The following RBFOX1 variants were observed in gnomAD, a reference collection of about 807,000 sequenced individuals.
RBFOX1 encodes the protein RNA binding protein fox-1 homolog 1.
RBFOX1 carries 8 observed loss-of-function variants against 57.7 expected under a neutral mutation model. That is an observed-to-expected ratio of 0.14 (90% CI 0.08 to 0.25). RBFOX1 has a LOEUF of 0.25. Ranked by LOEUF, RBFOX1 falls within the 10% of genes least tolerant of loss-of-function variation. The pLI, the probability that RBFOX1 is intolerant of heterozygous loss-of-function variation, is 1.00. For missense variants in RBFOX1, 611 were observed against 548.5 expected (o/e 1.11, Z -1.14); for synonymous variants, 326 against 222.4 (o/e 1.47, Z -4.15).
At chr16:7,180,006 G>A (rs1330514173) in intron 4 of RBFOX1, among the ~76,000 whole-genome samples, 1 of 151,916 alleles carries the variant, frequency 6.6e-6, no homozygotes, top group East Asian at 1.9e-4. Flanking sequence ...GACCCCCAAA[G>A]TGCTGGAAAT....
At chr16:5,408,353 C>T (rs1036991617) in intron 1 of RBFOX1, among the ~76,000 whole-genome samples, 4 of 152,170 alleles carry the variant, frequency 2.6e-5, no homozygotes, top group Non-Finnish European at 2.9e-5. Flanking sequence ...CAATACATTC[C>T]TTTTTTTATT....
intron 3 of RBFOX1, among the ~76,000 whole-genome samples, chr16:5,743,806 G>C (rs966911411): frequency 6.6e-6 from 1 of 152,060 alleles, no homozygotes; most frequent in African/African-American, 2.4e-5. Context: ...CCCTCCCAAA[G>C]TGCTGGGATT....
In RBFOX1 at chr16:5,419,350, C is replaced by T. The variant is rs536603906; in HGVS notation, c.220-47866C>T. ...GAGTCTGATGTTCAAGGGCAGGAAG[C>T]ATCCAGCACGAGAGAAAGATGTGGG... On this transcript the variant is annotated intron_variant, in intron 1 of 2. Coordinates refer to the RBFOX1 transcript ENST00000585867. 1.2e-3 allele frequency among the ~76,000 whole-genome samples: 179 copies of T among 152,226 alleles called. 1 individual carries two copies. The highest frequency in any genetic ancestry group is 4.2e-3 in the African/African-American group (176 of 41,550).
At chr16:7,386,811 C>G (rs937318260) in intron 4 of RBFOX1, among the ~76,000 whole-genome samples, 1 of 152,118 alleles carries the variant, frequency 6.6e-6, no homozygotes, top group Non-Finnish European at 1.5e-5. Flanking sequence ...ACACTGTCTT[C>G]CACAATGGTT....
At chr16:5,970,666 G>T (rs2059944407) in intron 4 of RBFOX1, among the ~76,000 whole-genome samples, 1 of 152,170 alleles carries the variant, frequency 6.6e-6, no homozygotes, top group Non-Finnish European at 1.5e-5. Context: ...GAGGAAGCAG[G>T]ACTTAGACCT....
intron 2 of RBFOX1, chr16:6,483,083 C>G (rs959721984): frequency 1.0e-5 from 10 of 979,934 alleles, no homozygotes; most frequent in African/African-American, 3.5e-5. Context: ...CAAGTGCCTC[C>G]GACCCGTAGG....
intron 4 of RBFOX1, among the ~76,000 whole-genome samples, chr16:7,091,902 C>G (rs561259643): frequency 6.6e-6 from 1 of 152,186 alleles, no homozygotes; most frequent in Non-Finnish European, 1.5e-5. Flanking sequence ...TGTCTTGGAT[C>G]ATCATGCCAG....
Position 5,806,862 on chromosome 16 carries a change from C to G in RBFOX1, c.319-60441C>G, listed in dbSNP as rs998448490. ...TCAGGGGCTCTTCTTATTCCTTGGCCCACTGATGTTCCCAAATGCTCTTTC... is the reference window on the plus strand; with the variant it reads ...TCAGGGGCTCTTCTTATTCCTTGGCGCACTGATGTTCCCAAATGCTCTTTC... On this transcript the variant is annotated intron_variant, in intron 3 of 19. Coordinates refer to the RBFOX1 transcript ENST00000641259. Among the ~76,000 whole-genome samples the G allele has an allele frequency of 2.0e-5, 3 of 152,192 alleles. No homozygotes were observed. The East Asian group carries it at 5.8e-4, about 29-fold the overall frequency.
intron 4 of RBFOX1, among the ~76,000 whole-genome samples, chr16:7,298,186 T>A (rs1418766311): frequency 6.6e-6 from 1 of 152,064 alleles, no homozygotes; most frequent in Non-Finnish European, 1.5e-5. Flanking sequence ...ATCCCCTGTT[T>A]CCCCTATTGC....
At chr16:5,934,226 T>C (rs1301078287) in intron 4 of RBFOX1, among the ~76,000 whole-genome samples, 1 of 152,238 alleles carries the variant, frequency 6.6e-6, no homozygotes, top group African/African-American at 2.4e-5. Flanking sequence ...AAGGCCCAGA[T>C]TGGTGCAAAC....
chr16:6,677,602 T>C (rs1412224912), intron 3 of RBFOX1, among the ~76,000 whole-genome samples: 2 of 152,204 alleles, frequency 1.3e-5, no homozygotes, highest in Non-Finnish European at 2.9e-5. Context: ...AGCCTTACAT[T>C]TTCAATCAAA....
intron 3 of RBFOX1, among the ~76,000 whole-genome samples, chr16:6,692,215 T>C (rs1000984526): frequency 2.0e-5 from 3 of 152,198 alleles, no homozygotes; most frequent in Non-Finnish European, 4.4e-5. Context: ...TTAGCATCAA[T>C]AGGAAACTAA....
chr16:5,651,532 C>T (rs1421455597), intron 3 of RBFOX1, among the ~76,000 whole-genome samples: 1 of 152,154 alleles, frequency 6.6e-6, no homozygotes. Flanking sequence ...TCAGGTTTCA[C>T]CCTCCCAGGG....
At chr16:6,826,333 G>C (rs1468821001) in intron 3 of RBFOX1, among the ~76,000 whole-genome samples, 1 of 152,072 alleles carries the variant, frequency 6.6e-6, no homozygotes, top group Non-Finnish European at 1.5e-5. Flanking sequence ...GGCAACATGG[G>C]GAGACCCCCT....
chr16:7,101,711 A>G (rs937958091), intron 4 of RBFOX1, among the ~76,000 whole-genome samples: 1 of 152,158 alleles, frequency 6.6e-6, no homozygotes, highest in African/African-American at 2.4e-5. Flanking sequence ...TTTTTTAAAA[A>G]TGTATTTGCT....
intron 3 of RBFOX1, among the ~76,000 whole-genome samples, chr16:6,884,701 C>T (rs147939882): frequency 6.6e-6 from 1 of 152,192 alleles, no homozygotes; most frequent in Non-Finnish European, 1.5e-5. Context: ...GGTTCCAGAC[C>T]AGCTTGGGCA....
chr16:7,058,024 A>T (rs1433700762), intron 4 of RBFOX1, among the ~76,000 whole-genome samples: 1 of 149,460 alleles, frequency 6.7e-6, no homozygotes, highest in Admixed American at 6.7e-5. Flanking sequence ...AAAAAAAAAC[A>T]CGAAAACCAC....
At chr16:5,915,490 C>T (rs1307154650) in intron 4 of RBFOX1, among the ~76,000 whole-genome samples, 2 of 152,128 alleles carry the variant, frequency 1.3e-5, no homozygotes, top group East Asian at 1.9e-4. Context: ...AATGAGACGG[C>T]AGGGTTCCTT....
intron 2 of RBFOX1, among the ~76,000 whole-genome samples, chr16:6,645,707 G>A (rs2098528654): frequency 6.6e-6 from 1 of 152,118 alleles, no homozygotes; most frequent in African/African-American, 2.4e-5. Flanking sequence ...GCTTCAATCA[G>A]AACCAGGTTT....
Sources: gnomAD v4.1 joint callset for allele counts (sites outside exome capture counted in the v4.1 genomes callset) on GRCh38, gnomAD v4.1.1 for gene constraint, MANE v1.5 for transcripts, NCBI Gene and HGNC (gene_info 2026-07-23, HGNC 2026-07-21) for gene names.